PLEKHG3: variants seen among roughly 807,000 people sequenced by gnomAD.
PLEKHG3 encodes pleckstrin homology and RhoGEF domain containing G3, also known as pleckstrin homology domain-containing family G member 3.
A neutral mutation model predicts 94.9 loss-of-function variants in PLEKHG3; 62 were observed. The observed-to-expected ratio is 0.65, with a 90% confidence interval of 0.53 to 0.81. PLEKHG3 has a LOEUF of 0.81. Ranked by LOEUF, PLEKHG3 falls within the 30% of genes least tolerant of loss-of-function variation. The pLI is 0.00. For missense variants in PLEKHG3, 1,461 were observed against 1,619.3 expected (o/e 0.90, Z 1.68); for synonymous variants, 614 against 654.0 (o/e 0.94, Z 0.93).
At chr14:64,707,015 C>G (rs2139354397) in intron 1 of PLEKHG3, among the ~76,000 whole-genome samples, 1 of 152,346 alleles carries the variant, frequency 6.6e-6, no homozygotes, top group East Asian at 1.9e-4. Context: ...GGGCTGTCTT[C>G]AGCTCCTCAT....
At chr14:64,719,922 T>G (rs59115111) in intron 1 of PLEKHG3, among the ~76,000 whole-genome samples, 3,541 of 152,290 alleles carry the variant, frequency 0.023, 145 homozygotes, top group African/African-American at 0.08. Flanking sequence ...TCTGGGAACT[T>G]TGGATCTGTC....
chr14:64,742,268 C>T lies in PLEKHG3; in HGVS notation c.2751C>T (p.His917=), dbSNP rs775658695. Residue 917 remains histidine, a synonymous_variant, in exon 16 of 17, where the codon CAC becomes CAT. Coordinates refer to ENST00000247226, the MANE Select transcript of PLEKHG3 (RefSeq NM_001308147.2). ...IVQLSHVMDS[H]VSERVKNKVY... Reference sequence around the variant, plus strand: ...AGCTCTCCCACGTAATGGACAGCCACGTGAGCGAGCGCGTCAAGAACAAGG... The same window carrying T: ...AGCTCTCCCACGTAATGGACAGCCATGTGAGCGAGCGCGTCAAGAACAAGG... 1.4e-5 allele frequency: 22 copies of T among 1,612,886 alleles called. No individual in the cohort carries two copies. Among genetic ancestry groups the T allele is most frequent in the East Asian group, 2.2e-5 (1 of 44,890 alleles).
At chr14:64,706,277 A>T (rs978350435) in intron 1 of PLEKHG3, among the ~76,000 whole-genome samples, 10 of 152,122 alleles carry the variant, frequency 6.6e-5, no homozygotes, top group African/African-American at 2.4e-4. Context: ...AGCCTACTTC[A>T]TTTACTCGTG....
At position 64,732,953 on chromosome 14, in the gene PLEKHG3, G is replaced by C. The variant is rs764579399; in HGVS notation, c.1345+52G>C. On this transcript the variant is annotated intron_variant, in intron 12 of 16. Coordinates refer to ENST00000247226, the MANE Select transcript of PLEKHG3 (RefSeq NM_001308147.2). This position sits in a 1 kb window ranked among gnomAD's most constrained non-coding sequence, Gnocchi z 4.9. ...GGCCTCTCCCTCACACCCTTGCCCA[G>C]ACTGGGGACCGTCTGCGGCAGTGTC... is the stretch of plus-strand genomic sequence containing the variant. The C allele has an allele frequency of 8.6e-7, 1 of 1,163,132 alleles. No individual in the cohort carries two copies. The highest frequency in any genetic ancestry group is 1.5e-5 in the African/African-American group (1 of 66,236). 72.1% of individuals were successfully genotyped at this position (1,163,132 alleles called of 1,614,324 possible).
Position 64,749,174 on chromosome 14 carries a change from TGGGGCCCGGGGGCCCG to T in PLEKHG3, c.*5473_*5488del. On this transcript the variant is annotated 3_prime_UTR_variant, in exon 17 of 17. Coordinates refer to ENST00000247226, the MANE Select transcript of PLEKHG3 (RefSeq NM_001308147.2). This position sits in a 1 kb window ranked among gnomAD's most constrained non-coding sequence, Gnocchi z 4.7. ...CGAAGGCAGCTTTTGCAGTGCAGCG[TGGGGCCCGGGGGCCCG>T]GCCCGCGACTCGACTCATCTCGATT... 8.9e-7 allele frequency: 1 copy of T among 1,122,706 alleles called. No homozygotes were observed. Among genetic ancestry groups the T allele is most frequent in the South Asian group, 1.4e-5 (1 of 69,312 alleles). The allele number at this position is 1,122,706 out of a possible 1,614,324, so 69.5% of individuals were successfully genotyped here.
rs144245921 is a variant in PLEKHG3, at chr14:64,741,047, C to A, written c.1530C>A (p.Asp510Glu). Reference protein sequence around the residue: ...SISSLPEVEPDPEAGSEQEVF... With the variant: ...SISSLPEVEPEPEAGSEQEVF... ...CTGCTATGTTTCAGGTTGAGCCGGA[C>A]CCTGAGGCTGGGAGTGAGCAAGAGG... Residue 510 changes from aspartate (D) to glutamate (E), a missense_variant, in exon 16 of 17, where the codon GAC becomes GAA. Coordinates refer to ENST00000247226, the MANE Select transcript of PLEKHG3 (RefSeq NM_001308147.2). 24 of 1,586,674 alleles carry A rather than the reference C, an allele frequency of 1.5e-5. No individual in the cohort carries two copies. In the Middle Eastern group the frequency reaches 6.7e-4, roughly 44 times the overall value.
chr14:64,743,117 G>C lies in PLEKHG3; in HGVS notation c.3074G>C (p.Arg1025Thr). 1 of 1,612,490 alleles carries C rather than the reference G, an allele frequency of 6.2e-7. No individual in the cohort carries two copies. Among genetic ancestry groups the C allele is most frequent in the Non-Finnish European group, 8.5e-7 (1 of 1,179,982 alleles). The change falls in exon 17 of 17, where the codon AGG becomes ACG. Residue 1025 changes from arginine (R) to threonine (T), a missense_variant. This residue lies in a region of PLEKHG3 where 1,201 missense variants were observed against 1,295.5 expected (regional missense o/e 0.93). Coordinates refer to ENST00000247226, the MANE Select transcript of PLEKHG3 (RefSeq NM_001308147.2). The surrounding 1 kb of genome is among the most constrained non-coding windows in gnomAD (Gnocchi z 7.2). Reference protein sequence around the residue: ...FFFNPSAVSQRTTSPGGRPSA... With the variant: ...FFFNPSAVSQTTTSPGGRPSA... ...TTCAACCCGTCTGCTGTCAGCCAGA[G>C]GACCACCTCGCCTGGGGGCCGGCCC...
In PLEKHG3 at chr14:64,742,501, G is replaced by C. The variant is rs541638878; in HGVS notation, c.2938+46G>C. 5 of 1,427,548 alleles carry C rather than the reference G, an allele frequency of 3.5e-6. No homozygotes were observed. The African/African-American group carries it at 5.7e-5, about 16-fold the overall frequency. 88.4% of individuals were successfully genotyped at this position (1,427,548 alleles called of 1,614,324 possible). On this transcript the variant is annotated intron_variant, in intron 16 of 16. Transcript: ENST00000247226. ...GGGCCCTTCCCCAAGTCTAGGGACTGAAGAGTCAATAAGGAGCCACTTGGC... is the reference window on the plus strand; with the variant it reads ...GGGCCCTTCCCCAAGTCTAGGGACTCAAGAGTCAATAAGGAGCCACTTGGC...
In PLEKHG3 at chr14:64,738,807, C is replaced by T. The variant is rs765796478; in HGVS notation, c.1470C>T (p.Thr490=). Residue 490 remains threonine (T), a synonymous_variant, in exon 15 of 17, where the codon ACC becomes ACT. Transcript: ENST00000247226. This position sits in a 1 kb window ranked among gnomAD's most constrained non-coding sequence, Gnocchi z 4.8. ...SSRRPSGRSP[T]STEKRMSFES... is the part of the protein sequence containing the mutation. Reference sequence around the variant, plus strand: ...GAAGGCCCAGTGGCCGGTCTCCAACCAGTACTGAGAAGCGCATGAGCTTCG... The same window carrying T: ...GAAGGCCCAGTGGCCGGTCTCCAACTAGTACTGAGAAGCGCATGAGCTTCG... The T allele has an allele frequency of 2.5e-6, 4 of 1,600,280 alleles. No homozygotes were observed. Among genetic ancestry groups the T allele is most frequent in the Admixed American group, 3.4e-5 (2 of 58,588 alleles).
intron 12 of PLEKHG3, among the ~76,000 whole-genome samples, chr14:64,734,506 A>C (rs888791550): frequency 1.3e-5 from 2 of 152,180 alleles, no homozygotes; most frequent in Non-Finnish European, 2.9e-5. Context: ...AAATAGGTGA[A>C]TTGTATTTGA....
rs1347124828 is a variant in PLEKHG3, at chr14:64,748,408, C to T, written c.*4705C>T. 6.6e-6 allele frequency: 1 copy of T among 152,312 alleles called. No individual in the cohort carries two copies. Among genetic ancestry groups the T allele is most frequent in the Non-Finnish European group, 1.5e-5 (1 of 68,150 alleles). 9.4% of individuals were successfully genotyped at this position (152,312 alleles called of 1,614,324 possible). On this transcript the variant is annotated 3_prime_UTR_variant, in exon 17 of 17. Coordinates refer to ENST00000247226, the MANE Select transcript of PLEKHG3 (RefSeq NM_001308147.2). ...CTGCCACTGGGAGTGGGGCGAGGGTCCCAGCATTGAGAGGGAGAGCCTTAG... is the reference window on the plus strand; with the variant it reads ...CTGCCACTGGGAGTGGGGCGAGGGTTCCAGCATTGAGAGGGAGAGCCTTAG...
intron 1 of PLEKHG3, among the ~76,000 whole-genome samples, chr14:64,706,638 C>G (rs1266701471): frequency 1.3e-5 from 2 of 152,190 alleles, no homozygotes; most frequent in Admixed American, 1.3e-4. Context: ...CGTTAGATAC[C>G]AGGAGCCATT....
At chr14:64,705,751 T>A (rs748902220) in intron 1 of PLEKHG3, among the ~76,000 whole-genome samples, 3 of 152,224 alleles carry the variant, frequency 2.0e-5, no homozygotes, top group Non-Finnish European at 4.4e-5. Context: ...CCTTCAGCAG[T>A]GTGGTTTTCC....
chr14:64,735,515 TG>T (rs2081552785), intron 12 of PLEKHG3, among the ~76,000 whole-genome samples: 1 of 152,070 alleles, frequency 6.6e-6, no homozygotes, highest in African/African-American at 2.4e-5. Context: ...GAGGCTGAGG[TG>T]GGAGGATCAC....
intron 1 of PLEKHG3, among the ~76,000 whole-genome samples, chr14:64,709,023 G>A (rs1237354471): frequency 2.0e-5 from 3 of 152,224 alleles, no homozygotes; most frequent in African/African-American, 4.8e-5. Context: ...ACTGGACAAC[G>A]TGGACTAAAC....
chr14:64,705,852 G>T (rs2080963283), intron 1 of PLEKHG3, among the ~76,000 whole-genome samples: 1 of 152,206 alleles, frequency 6.6e-6, no homozygotes, highest in African/African-American at 2.4e-5. Context: ...AACCAAAAGT[G>T]TACATTTATC....
rs1316133015 is a variant in PLEKHG3, at chr14:64,738,517, A to G, written c.1405-225A>G. On this transcript the variant is annotated intron_variant, in intron 14 of 16. Transcript: ENST00000247226. This position sits in a 1 kb window ranked among gnomAD's most constrained non-coding sequence, Gnocchi z 4.8. ...GCTGGAAAGGTCAAGTCCACTTTGG[A>G]GGGACAGAAAGGTGGGCTGAGGTTT... Among the ~76,000 whole-genome samples the G allele has an allele frequency of 6.6e-6, 1 of 152,170 alleles. No homozygotes were observed. The highest frequency in any genetic ancestry group is 1.5e-5 in the Non-Finnish European group (1 of 68,012).
chr14:64,741,534 G>A lies in PLEKHG3; in HGVS notation c.2017G>A (p.Val673Met). 1 of 1,612,972 alleles carries A rather than the reference G, an allele frequency of 6.2e-7. No homozygotes were observed. The highest frequency in any genetic ancestry group is 2.2e-5 in the East Asian group (1 of 44,882). Reference sequence around the variant, plus strand: ...GCTCTCCCCAGAAGTGGACATCAGTGTGGGGGTGGCCACAGAGGACAGCCC... The same window carrying A: ...GCTCTCCCCAGAAGTGGACATCAGTATGGGGGTGGCCACAGAGGACAGCCC... ...CQLSPEVDISVGVATEDSPSV... is the reference protein window; with the variant it reads ...CQLSPEVDISMGVATEDSPSV... Residue 673 changes from valine (V) to methionine (M), a missense_variant, in exon 16 of 17, where the codon GTG (valine) becomes ATG (methionine). Physicochemically the swap from Val to Met is conservative, Grantham distance 21. Around this residue, in one of 3 missense-constraint regions of PLEKHG3, gnomAD observed 1,201 missense variants for 1,295.5 expected, o/e 0.93. Coordinates refer to ENST00000247226, the MANE Select transcript of PLEKHG3 (RefSeq NM_001308147.2).
In PLEKHG3 at chr14:64,717,249, G is replaced by A. The variant is rs2081184143; in HGVS notation, c.-39-10344G>A. Among the ~76,000 whole-genome samples the A allele has an allele frequency of 6.6e-6, 1 of 152,154 alleles. No homozygotes were observed. Among genetic ancestry groups the A allele is most frequent in the Non-Finnish European group, 1.5e-5 (1 of 68,016 alleles). ...CCAGGGCAAAGAAAGGGGATGTGTTGGAGCTCTTCTCTTGCTGTATCACCT... is the reference window on the plus strand; with the variant it reads ...CCAGGGCAAAGAAAGGGGATGTGTTAGAGCTCTTCTCTTGCTGTATCACCT... On this transcript the variant is annotated intron_variant, in intron 1 of 16. Transcript: ENST00000247226. The surrounding 1 kb of genome is among the most constrained non-coding windows in gnomAD (Gnocchi z 4.7).
Sources: gnomAD v4.1 joint callset for allele counts (sites outside exome capture counted in the v4.1 genomes callset) on GRCh38, gnomAD v4.1.1 for gene constraint, gnomAD v4.1.1 regional missense constraint, Gnocchi (gnomAD v3.1) non-coding constraint, MANE v1.5 for transcripts, NCBI Gene and HGNC (gene_info 2026-07-23, HGNC 2026-07-21) for gene names.